The following PDSS2 variants were observed in gnomAD, a reference collection of about 807,000 sequenced individuals.
PDSS2 encodes decaprenyl diphosphate synthase subunit 2.
In PDSS2, 31 loss-of-function variants were observed where a neutral mutation model predicts 44.5. The ratio of observed to expected loss-of-function variants is 0.70; its 90% CI spans 0.52 to 0.94. PDSS2 has a LOEUF of 0.94. PDSS2 is among the 40% of genes least tolerant of loss of function. The probability of loss-of-function intolerance (pLI) is 0.00; values close to 1 mark genes in which losing one functional copy is unlikely to be tolerated. For missense variants in PDSS2, 452 were observed against 482.2 expected (o/e 0.94, Z 0.59); for synonymous variants, 157 against 180.3 (o/e 0.87, Z 1.03).
chr6:107,294,918 C>T (rs1033567953), intron 2 of PDSS2, among the ~76,000 whole-genome samples: 21 of 151,928 alleles, frequency 1.4e-4, no homozygotes, highest in African/African-American at 4.8e-4. Flanking sequence ...TCACTAGACA[C>T]AGGGGTTCTG....
intron 4 of PDSS2, among the ~76,000 whole-genome samples, chr6:107,212,560 G>C: frequency 6.6e-6 from 1 of 152,094 alleles, no homozygotes; most frequent in East Asian, 1.9e-4. Flanking sequence ...ACAGGATAAG[G>C]GAAAAAGTAG....
intron 1 of PDSS2, among the ~76,000 whole-genome samples, chr6:107,368,759 G>A (rs1420067467): frequency 1.3e-5 from 2 of 152,060 alleles, no homozygotes; most frequent in African/African-American, 4.8e-5. Flanking sequence ...ATGTGACCAT[G>A]TCACTGCAAC....
intron 4 of PDSS2, among the ~76,000 whole-genome samples, chr6:107,241,439 C>G (rs751657274): frequency 6.8e-6 from 1 of 147,486 alleles, no homozygotes; most frequent in Non-Finnish European, 1.5e-5. Flanking sequence ...CTCTGCCTCC[C>G]GGGTTCACAC....
At chr6:107,334,492 G>C (rs1322822690) in intron 1 of PDSS2, among the ~76,000 whole-genome samples, 160 bp from the exon 2 acceptor site, 1 of 151,750 alleles carries the variant, frequency 6.6e-6, no homozygotes, top group Non-Finnish European at 1.5e-5. Flanking sequence ...AGGATGCCAT[G>C]AGTTCAGGAA....
intron 1 of PDSS2, among the ~76,000 whole-genome samples, chr6:107,388,166 A>G (rs980857655): frequency 2.0e-5 from 3 of 152,236 alleles, no homozygotes; most frequent in Non-Finnish European, 4.4e-5. Flanking sequence ...AGAATATGTC[A>G]ACAATATGTA....
intron 1 of PDSS2, among the ~76,000 whole-genome samples, chr6:107,388,064 G>A (rs1010357878): frequency 6.6e-6 from 1 of 152,056 alleles, no homozygotes; most frequent in African/African-American, 2.4e-5. Context: ...CCATGCTAAT[G>A]GGGAAAACCC....
At chr6:107,391,787 T>C (rs1039613666) in intron 1 of PDSS2, among the ~76,000 whole-genome samples, 1 of 152,128 alleles carries the variant, frequency 6.6e-6, no homozygotes, top group African/African-American at 2.4e-5. Context: ...AAATATTTAC[T>C]TTATGTTTCT....
intron 3 of PDSS2, among the ~76,000 whole-genome samples, chr6:107,272,352 AC>A (rs1441409743): frequency 6.6e-6 from 1 of 152,200 alleles, no homozygotes; most frequent in Non-Finnish European, 1.5e-5. Context: ...ACTAGGATGT[AC>A]ACTGATCCAA....
At chr6:107,382,725 T>C (rs551234760) in intron 1 of PDSS2, among the ~76,000 whole-genome samples, 55 of 152,130 alleles carry the variant, frequency 3.6e-4, no homozygotes, top group African/African-American at 1.3e-3. Flanking sequence ...TAGTCCCTAC[T>C]GCTTGGGAGG....
intron 1 of PDSS2, among the ~76,000 whole-genome samples, chr6:107,405,338 A>C (rs1263243625): frequency 6.6e-6 from 1 of 152,062 alleles, no homozygotes; most frequent in Non-Finnish European, 1.5e-5. Flanking sequence ...AACACGTGTA[A>C]GTATAGAACT....
chr6:107,367,623 A>G (rs955100077), intron 1 of PDSS2, among the ~76,000 whole-genome samples: 1 of 152,034 alleles, frequency 6.6e-6, no homozygotes, highest in Non-Finnish European at 1.5e-5. Context: ...TTCTCTACTA[A>G]AAATACAAAA....
chr6:107,311,708 T>C (rs1777052274), intron 2 of PDSS2, among the ~76,000 whole-genome samples: 1 of 152,210 alleles, frequency 6.6e-6, no homozygotes, highest in Admixed American at 6.5e-5. Flanking sequence ...AAAGACCTGG[T>C]TGAAATCTTA....
chr6:107,287,058 A>G (rs2115002617), intron 2 of PDSS2, among the ~76,000 whole-genome samples: 1 of 152,200 alleles, frequency 6.6e-6, no homozygotes, highest in South Asian at 2.1e-4. Context: ...AACAAAACAA[A>G]AAAAAGGAAA....
chr6:107,411,599 T>C (rs1030321447), intron 1 of PDSS2, among the ~76,000 whole-genome samples: 14 of 152,280 alleles, frequency 9.2e-5, no homozygotes, highest in Admixed American at 9.2e-4. Flanking sequence ...AAAAAATAGA[T>C]GGTTGTGTCA....
chr6:107,157,305 C>G (rs899541298), intron 7 of PDSS2, among the ~76,000 whole-genome samples: 1 of 137,020 alleles, frequency 7.3e-6, no homozygotes, highest in Non-Finnish European at 1.7e-5. Flanking sequence ...CCACCTCAGC[C>G]ACCCGGGTAG....
intron 1 of PDSS2, among the ~76,000 whole-genome samples, chr6:107,405,529 T>C (rs1780283954): frequency 6.6e-6 from 1 of 151,898 alleles, no homozygotes; most frequent in Non-Finnish European, 1.5e-5. Context: ...TAACCTTGAA[T>C]GTAAATGCAT....
rs1314160776 is a variant in PDSS2, at chr6:107,207,992, T to TTTTTTTG, written c.1008+2446_1008+2447insCAAAAAA. 8.9e-5 allele frequency among the ~76,000 whole-genome samples: 13 copies of TTTTTTTG among 145,796 alleles called. No homozygotes were observed. The South Asian group carries it at 1.1e-3, about 12-fold the overall frequency. On this transcript the variant is annotated intron_variant, in intron 6 of 7. Coordinates refer to ENST00000369037, the MANE Select transcript of PDSS2 (RefSeq NM_020381.4). Reference sequence around the variant, plus strand: ...GTCTATGACTTGTTTTTTTTTTTTTTTTTTTTTTTATGAAACAGAGTTTCA... The same window carrying TTTTTTTG: ...GTCTATGACTTGTTTTTTTTTTTTTTTTTTTTGTTTTTTTTTATGAAACAGAGTTTCA...
chr6:107,190,847 C>T (rs75956696), intron 7 of PDSS2, among the ~76,000 whole-genome samples: 2,456 of 152,202 alleles, frequency 0.016, 44 homozygotes, highest in Admixed American at 0.059. Flanking sequence ...CCCGTATATG[C>T]CAACCCAGCA....
intron 2 of PDSS2, among the ~76,000 whole-genome samples, chr6:107,299,784 T>C (rs1460164976): frequency 6.6e-6 from 1 of 152,168 alleles, no homozygotes; most frequent in Non-Finnish European, 1.5e-5. Context: ...CAAATACTCA[T>C]TATTGGACAG....
Sources: allele counts gnomAD v4.1 joint callset (sites outside exome capture counted in the v4.1 genomes callset), GRCh38; gene constraint gnomAD v4.1.1; transcripts MANE v1.5; gene names NCBI Gene and HGNC (gene_info 2026-07-23, HGNC 2026-07-21).